DLG2: variants seen among roughly 807,000 people sequenced by gnomAD.
The protein encoded by DLG2 is disks large homolog 2.
In DLG2, 45 loss-of-function variants were observed where a neutral mutation model predicts 132.5. That is an observed-to-expected ratio of 0.34 (90% CI 0.27 to 0.44). The LOEUF is 0.44. Among genes scored for constraint, DLG2 ranks in the 20% least tolerant of loss-of-function variants. DLG2 has a pLI of 1.00. For missense variants in DLG2, 1,045 were observed against 1,196.9 expected (o/e 0.87, Z 1.87); for synonymous variants, 424 against 419.6 (o/e 1.01, Z -0.13).
intron 8 of DLG2, among the ~76,000 whole-genome samples, chr11:84,248,612 T>G (rs2097332982): frequency 6.6e-6 from 1 of 152,104 alleles, no homozygotes; most frequent in South Asian, 2.1e-4. Flanking sequence ...TCCCAGCACT[T>G]TGGGAGGCCG....
At chr11:84,959,604 T>TA (rs2052232626) in intron 6 of DLG2, among the ~76,000 whole-genome samples, 1 of 152,172 alleles carries the variant, frequency 6.6e-6, no homozygotes, top group Non-Finnish European at 1.5e-5. Context: ...GTTAGTTTCT[T>TA]AAAAAAATAA....
At chr11:85,422,220 G>A (rs534364770) in intron 3 of DLG2, among the ~76,000 whole-genome samples, 1 of 152,206 alleles carries the variant, frequency 6.6e-6, no homozygotes, top group Non-Finnish European at 1.5e-5. Context: ...ACCTGTATTT[G>A]GATGTCTAGG....
chr11:85,063,646 G>A (rs1446032222), intron 6 of DLG2, among the ~76,000 whole-genome samples: 1 of 151,840 alleles, frequency 6.6e-6, no homozygotes, highest in East Asian at 1.9e-4. Context: ...GAAATGTGCT[G>A]TATTTCCCTC....
At chr11:85,140,457 G>A (rs1456970634) in intron 5 of DLG2, among the ~76,000 whole-genome samples, 2 of 151,918 alleles carry the variant, frequency 1.3e-5, no homozygotes, top group South Asian at 2.1e-4. Context: ...ATGAGTACAT[G>A]ATAGTTATAT....
At chr11:85,198,462 T>C (rs1159327565) in intron 4 of DLG2, among the ~76,000 whole-genome samples, 1 of 152,174 alleles carries the variant, frequency 6.6e-6, no homozygotes, top group Non-Finnish European at 1.5e-5. Context: ...ACATTACTTA[T>C]AAATTGTTTC....
chr11:85,200,151 T>C (rs571097696), intron 4 of DLG2, among the ~76,000 whole-genome samples: 1 of 151,998 alleles, frequency 6.6e-6, no homozygotes, highest in Non-Finnish European at 1.5e-5. Flanking sequence ...ATTTCGAGAG[T>C]GCACACCAGC....
intron 6 of DLG2, among the ~76,000 whole-genome samples, chr11:84,811,545 C>A (rs1452067457): frequency 1.3e-5 from 2 of 152,016 alleles, no homozygotes; most frequent in African/African-American, 4.8e-5. Context: ...AGGATACTAA[C>A]AACAAAGACA....
chr11:85,322,912 C>T (rs1239073745), intron 3 of DLG2, among the ~76,000 whole-genome samples: 4 of 152,194 alleles, frequency 2.6e-5, no homozygotes, highest in Admixed American at 6.5e-5. Flanking sequence ...CCTATGATTC[C>T]TGTTTCTACC....
intron 6 of DLG2, among the ~76,000 whole-genome samples, chr11:84,991,713 A>G (rs1458749829): frequency 6.6e-6 from 1 of 152,124 alleles, no homozygotes; most frequent in Admixed American, 6.6e-5. Flanking sequence ...ATTGTACTAC[A>G]GTTTTACATG....
intron 20 of DLG2, among the ~76,000 whole-genome samples, chr11:83,537,604 C>T (rs1232481148): frequency 6.6e-6 from 1 of 151,844 alleles, no homozygotes; most frequent in African/African-American, 2.4e-5. Flanking sequence ...CACCAGAGAT[C>T]AAGAGTTTGA....
At chr11:85,460,938 C>A (rs948059327) in intron 3 of DLG2, among the ~76,000 whole-genome samples, 3 of 152,036 alleles carry the variant, frequency 2.0e-5, no homozygotes, top group South Asian at 2.1e-4. Flanking sequence ...ATTTGTTTTG[C>A]CTTTTGGCTT....
At chr11:84,728,464 T>C (rs760498720) in intron 6 of DLG2, among the ~76,000 whole-genome samples, 8 of 152,172 alleles carry the variant, frequency 5.3e-5, no homozygotes, top group Non-Finnish European at 5.9e-5. Context: ...TGGATAAGCT[T>C]CCTGATGTGC....
chr11:84,745,814 A>C (rs748550347), intron 6 of DLG2, among the ~76,000 whole-genome samples: 6 of 152,218 alleles, frequency 3.9e-5, no homozygotes, highest in Non-Finnish European at 8.8e-5. Context: ...CTAAAACATA[A>C]TCCCTATGCT....
intron 3 of DLG2, among the ~76,000 whole-genome samples, chr11:85,426,127 C>T (rs1001666429): frequency 6.6e-6 from 1 of 152,246 alleles, no homozygotes; most frequent in Admixed American, 6.5e-5. Context: ...AGTAGGTAAA[C>T]AAAGCAGCAG....
chr11:84,534,786 T>G (rs1489161871), intron 6 of DLG2, 55 bp from the exon 7 acceptor site: 1 of 1,580,462 alleles, frequency 6.3e-7, no homozygotes, highest in African/African-American at 1.3e-5. Context: ...TTGTAAAGGA[T>G]ATAGACTGAA....
intron 18 of DLG2, among the ~76,000 whole-genome samples, chr11:83,749,246 T>G (rs1007929265): frequency 6.6e-6 from 1 of 152,208 alleles, no homozygotes; most frequent in African/African-American, 2.4e-5. Flanking sequence ...TTTGCCTTTC[T>G]TTTTGAAGAT....
intron 5 of DLG2, among the ~76,000 whole-genome samples, chr11:85,143,394 G>A (rs1049745638): frequency 7.3e-5 from 11 of 151,566 alleles, no homozygotes; most frequent in Admixed American, 3.3e-4. Context: ...GTAATGTCAC[G>A]TTTTTCATCT....
At chr11:84,502,258 CCTTCCTT>C (rs2099214586) in intron 7 of DLG2, among the ~76,000 whole-genome samples, 1 of 44,888 alleles carries the variant, frequency 2.2e-5, no homozygotes, top group Non-Finnish European at 3.8e-5. Context: ...TTCCTTCCTT[CCTTCCTT>C]CCTTCCTTCC....
chr11:84,707,827 A>C (rs566530197), intron 6 of DLG2, among the ~76,000 whole-genome samples: 1 of 151,906 alleles, frequency 6.6e-6, no homozygotes, highest in East Asian at 1.9e-4. Context: ...ATATAAATAA[A>C]AACTGTGGGG....
Sources: gnomAD v4.1 joint callset for allele counts (sites outside exome capture counted in the v4.1 genomes callset) on GRCh38, gnomAD v4.1.1 for gene constraint, MANE v1.5 for transcripts, NCBI Gene and HGNC (gene_info 2026-07-23, HGNC 2026-07-21) for gene names.